Variants in TMX2 observed in about 807,000 individuals in gnomAD.
The protein encoded by TMX2 is thioredoxin-related transmembrane protein 2.
TMX2 carries 20 observed loss-of-function variants against 33.4 expected under a neutral mutation model. That is an observed-to-expected ratio of 0.60 (90% CI 0.42 to 0.87). The LOEUF is 0.87. Among genes scored for constraint, TMX2 ranks in the 40% least tolerant of loss-of-function variants. The probability of loss-of-function intolerance (pLI) is 0.00; values close to 1 mark genes in which losing one functional copy is unlikely to be tolerated. For missense variants in TMX2, 340 were observed against 370.7 expected, an observed-to-expected ratio of 0.92 and a Z score of 0.68; for synonymous variants, 166 against 140.7, an observed-to-expected ratio of 1.18 and a Z score of -1.27.
At chr11:57,722,966 C>T (rs920759286) in intron 1 of TMX2, among the ~76,000 whole-genome samples, 1 of 151,660 alleles carries the variant, frequency 6.6e-6, no homozygotes, top group African/African-American at 2.4e-5. Context: ...ACAAAATTAG[C>T]TGGGCGTGGT....
intron 1 of TMX2, among the ~76,000 whole-genome samples, chr11:57,720,485 C>G (rs753640580): frequency 6.6e-6 from 1 of 152,242 alleles, no homozygotes; most frequent in African/African-American, 2.4e-5. Flanking sequence ...TCACTGCAAC[C>G]TCTGCCTCCA....
At chr11:57,721,345 GTT>G (rs71061532) in intron 1 of TMX2, among the ~76,000 whole-genome samples, 8,931 of 105,304 alleles carry the variant, frequency 0.085, 771 homozygotes, top group African/African-American at 0.26. Context: ...AATAAATAAA[GTT>G]TTTTTTTTTT....
At chr11:57,737,503 C>T in intron 1 of TMX2, 105 bp from the exon 2 acceptor site, 1 of 874,954 alleles carries the variant, frequency 1.1e-6, no homozygotes, top group Non-Finnish European at 1.9e-6. Flanking sequence ...GTTCCCATTC[C>T]CAGTTTGGAT....
Position 57,737,590 on chromosome 11 carries a change from A to G in TMX2, c.190-18A>G. 1 of 1,611,386 alleles carries G rather than the reference A, an allele frequency of 6.2e-7. No homozygotes were observed. The highest frequency in any genetic ancestry group is 8.5e-7 in the Non-Finnish European group (1 of 1,177,532). ...CTAGTCACTGCATTCCTGTTATAATACTTCGATTCTGTTCCAGAGAGAAGT... is the reference window on the plus strand; with the variant it reads ...CTAGTCACTGCATTCCTGTTATAATGCTTCGATTCTGTTCCAGAGAGAAGT... On this transcript the variant is annotated intron_variant, in intron 1 of 7. Transcript: ENST00000278422.
Position 57,738,053 on chromosome 11 carries a change from T to C in TMX2, c.364+27T>C, listed in dbSNP as rs202015874. On this transcript the variant is annotated intron_variant, in intron 3 of 7. Coordinates refer to ENST00000278422, the MANE Select transcript of TMX2 (RefSeq NM_015959.4). ...TGAGGAGACTGCCTTTCTTTCTTTTTTTTTTTTTGTAAGACTGTGTTGATA... is the reference window on the plus strand; with the variant it reads ...TGAGGAGACTGCCTTTCTTTCTTTTCTTTTTTTTGTAAGACTGTGTTGATA... 8.4e-6 allele frequency: 13 copies of C among 1,542,474 alleles called. No individual in the cohort carries two copies. The Admixed American group carries it at 1.9e-4, about 22-fold the overall frequency.
At position 57,726,392 on chromosome 11, in the gene TMX2, G is replaced by A. The variant is rs748961211; in HGVS notation, c.190-11216G>A. On this transcript the variant is annotated intron_variant, in intron 1 of 7. Transcript: ENST00000278422. ...CACGCCACTGCACTCTGGCCTGGGC[G>A]ACAGAGCCAGACTCCATCTCCATAA... Among the ~76,000 whole-genome samples, 7 of 151,592 alleles carry A rather than the reference G, an allele frequency of 4.6e-5. 1 individual carries two copies. In the South Asian group the frequency reaches 6.2e-4, roughly 13 times the overall value.
At chr11:57,728,985 T>C (rs1409807654) in intron 1 of TMX2, among the ~76,000 whole-genome samples, 2 of 152,088 alleles carry the variant, frequency 1.3e-5, no homozygotes, top group Non-Finnish European at 2.9e-5. Context: ...CACAGACCTC[T>C]GGAGAGAGAC....
intron 1 of TMX2, among the ~76,000 whole-genome samples, chr11:57,723,259 C>G (rs1194070999): frequency 6.6e-6 from 1 of 151,930 alleles, no homozygotes; most frequent in African/African-American, 2.4e-5. Context: ...GCGGATGGAT[C>G]ACCTGAGGTC....
chr11:57,737,775 T>G (rs1183884966), intron 2 of TMX2, 107 bp downstream of exon 2: 1 of 1,585,640 alleles, frequency 6.3e-7, no homozygotes, highest in Non-Finnish European at 8.6e-7. Flanking sequence ...TGTCCTACGT[T>G]TAATTCCAAG....
chr11:57,732,137 C>T (rs370109204), intron 1 of TMX2, among the ~76,000 whole-genome samples: 10 of 152,134 alleles, frequency 6.6e-5, no homozygotes, highest in African/African-American at 2.2e-4. Flanking sequence ...CTAGTGTTTC[C>T]GTGTGCGTTG....
rs574248092 is a variant in TMX2, at chr11:57,713,461, C to T, written c.189+654C>T. ...CGTTGTAAAGAAATCTTTGGGATTT[C>T]TTTGGGAAGTGTCCCAAGCTCCTTG... On this transcript the variant is annotated intron_variant, in intron 1 of 7. Transcript: ENST00000278422. Among the ~76,000 whole-genome samples the T allele has an allele frequency of 5.3e-5, 8 of 152,272 alleles. No individual in the cohort carries two copies. In the South Asian group the frequency reaches 1.7e-3, roughly 32 times the overall value.
intron 1 of TMX2, among the ~76,000 whole-genome samples, chr11:57,728,962 C>T (rs764489169): frequency 1.3e-5 from 2 of 152,044 alleles, no homozygotes; most frequent in Non-Finnish European, 2.9e-5. Context: ...GCGTTTTGAG[C>T]CCTCTCAGAG....
chr11:57,718,571 CT>C, intron 1 of TMX2: 2 of 600,574 alleles, frequency 3.3e-6, no homozygotes, highest in South Asian at 3.6e-5. Context: ...AGCAAAGCCT[CT>C]TTGCCCAACT....
intron 1 of TMX2, among the ~76,000 whole-genome samples, chr11:57,726,438 AC>A (rs1040118497): frequency 1.3e-5 from 2 of 151,756 alleles, no homozygotes; most frequent in African/African-American, 4.8e-5. Flanking sequence ...TAAAAAAAAA[AC>A]AAGTCAGTCT....
chr11:57,723,224 A>C (rs1349658662), intron 1 of TMX2, among the ~76,000 whole-genome samples: 2 of 152,224 alleles, frequency 1.3e-5, no homozygotes, highest in Admixed American at 6.5e-5. Context: ...TCACGCCTGT[A>C]ATCCCAGCAC....
At chr11:57,728,928 A>G (rs1357942604) in intron 1 of TMX2, among the ~76,000 whole-genome samples, 1 of 151,972 alleles carries the variant, frequency 6.6e-6, no homozygotes. Context: ...CATCCAGGAA[A>G]CACACATGAG....
rs142276071 is a variant in TMX2 at position 57,712,695 on chromosome 11, A to G, written c.77A>G (p.Tyr26Cys). 419 of 1,614,010 alleles carry G rather than the reference A, an allele frequency of 2.6e-4. 4 individuals are homozygous for G. The highest frequency in any genetic ancestry group is 2.2e-4 in the Non-Finnish European group (265 of 1,180,002). Residue 26 changes from tyrosine (Y) to cysteine (C), a missense_variant, in exon 1 of 8, where the codon TAC (tyrosine) becomes TGC (cysteine). By Grantham distance (194) the Tyr-to-Cys change is radical. Around this residue, in one of 3 missense-constraint regions of TMX2, gnomAD observed 106 missense variants for 82.7 expected, o/e 1.28. Transcript: ENST00000278422. ...RLSRWLAQPY[Y>C]LLSALLSAAF... ...TCACGATGGCTCGCCCAACCTTACT[A>G]CCTTCTGTCGGCCCTGCTCTCTGCT...
rs1590985276 is a variant in TMX2 at position 57,740,572 on chromosome 11, G to C, written c.*327G>C. The C allele has an allele frequency of 4.6e-6, 1 of 215,534 alleles. No homozygotes were observed. The highest frequency in any genetic ancestry group is 1.2e-4 in the East Asian group (1 of 8,262). The allele number at this position is 215,534 out of a possible 1,614,324, so 13.4% of individuals were successfully genotyped here. Reference sequence around the variant, plus strand: ...CCATGGTTTCTCCATGAAACTCTGTGGTTTCATCATTCCTTCTTAGTTGAC... The same window carrying C: ...CCATGGTTTCTCCATGAAACTCTGTCGTTTCATCATTCCTTCTTAGTTGAC... On this transcript the variant is annotated 3_prime_UTR_variant, in exon 8 of 8. Coordinates refer to ENST00000278422, the MANE Select transcript of TMX2 (RefSeq NM_015959.4).
At chr11:57,719,862 C>G (rs776919084) in intron 1 of TMX2, among the ~76,000 whole-genome samples, 2 of 152,022 alleles carry the variant, frequency 1.3e-5, no homozygotes, top group Non-Finnish European at 2.9e-5. Flanking sequence ...AGCTTAAAAT[C>G]TCTCCAAATT....
Sources: allele counts gnomAD v4.1 joint callset (sites outside exome capture counted in the v4.1 genomes callset), GRCh38; gene constraint gnomAD v4.1.1; regional missense constraint gnomAD v4.1.1; transcripts MANE v1.5; gene names NCBI Gene and HGNC (gene_info 2026-07-23, HGNC 2026-07-21).